The following PCDH15 variants were observed in gnomAD, a reference collection of about 807,000 sequenced individuals.
The protein encoded by PCDH15 is protocadherin-15.
A neutral mutation model predicts 178.5 loss-of-function variants in PCDH15; 129 were observed. The ratio of observed to expected loss-of-function variants is 0.72; its 90% CI spans 0.63 to 0.84. The LOEUF (loss-of-function observed/expected upper bound fraction) is 0.84, where lower values mean the gene tolerates loss of function less well. Among genes scored for constraint, PCDH15 ranks in the 40% least tolerant of loss-of-function variants. The pLI is 0.00. For missense variants in PCDH15, 2,230 were observed against 2,099.9 expected (o/e 1.06, Z -1.21); for synonymous variants, 800 against 732.0 (o/e 1.09, Z -1.50).
intron 5 of PCDH15, among the ~76,000 whole-genome samples, chr10:54,355,453 G>A (rs937868575): frequency 6.6e-6 from 1 of 151,810 alleles, no homozygotes; most frequent in African/African-American, 2.4e-5. Flanking sequence ...ATGGCACAGT[G>A]TCTTGTTTAA....
intron 1 of PCDH15, among the ~76,000 whole-genome samples, chr10:54,723,337 C>G (rs1941956812): frequency 6.6e-6 from 1 of 151,590 alleles, no homozygotes; most frequent in Non-Finnish European, 1.5e-5. Flanking sequence ...GGAAAATTGG[C>G]TAGCCACGTG....
At chr10:54,294,534 A>G (rs1457228017) in intron 8 of PCDH15, among the ~76,000 whole-genome samples, 1 of 152,236 alleles carries the variant, frequency 6.6e-6, no homozygotes, top group Non-Finnish European at 1.5e-5. Context: ...AGCAGAACTC[A>G]TCAAGATGCC....
At chr10:55,385,223 T>C (rs1837624283) in intron 2 of PCDH15, among the ~76,000 whole-genome samples, 1 of 152,106 alleles carries the variant, frequency 6.6e-6, no homozygotes, top group Non-Finnish European at 1.5e-5. Context: ...GATGCCAAAA[T>C]TGTCACTCTA....
At chr10:54,338,237 G>T (rs1157026456) in intron 6 of PCDH15, among the ~76,000 whole-genome samples, 1 of 152,104 alleles carries the variant, frequency 6.6e-6, no homozygotes, top group African/African-American at 2.4e-5. Flanking sequence ...TTATACATGA[G>T]TTTCCAGTAA....
intron 4 of PCDH15, among the ~76,000 whole-genome samples, chr10:54,372,414 G>T (rs1347262060): frequency 2.0e-5 from 3 of 151,862 alleles, no homozygotes; most frequent in Non-Finnish European, 2.9e-5. Context: ...ACTGTTAGTG[G>T]CATGGCTAGA....
At chr10:55,092,281 C>G (rs996883860) in intron 2 of PCDH15, among the ~76,000 whole-genome samples, 2 of 151,832 alleles carry the variant, frequency 1.3e-5, no homozygotes, top group African/African-American at 4.8e-5. Context: ...CCAAAAGCAA[C>G]ACAGCTTCCA....
At chr10:54,707,897 G>C (rs12413015) in intron 1 of PCDH15, among the ~76,000 whole-genome samples, 18,178 of 152,072 alleles carry the variant, frequency 0.12, 1,249 homozygotes, top group East Asian at 0.25. Context: ...TATAAACTCA[G>C]AGCAGGACTG....
Position 54,450,130 on chromosome 10 carries a change from A to AATATAT in PCDH15, c.158-71194_158-71189dup, listed in dbSNP as rs10526141. ...GGCAGATGACTATTCCTTTTTTATA[A>AATATAT]ATATATATATATATATATATATATA... On this transcript the variant is annotated intron_variant, in intron 3 of 37. Transcript: ENST00000644397. 9.4e-3 allele frequency among the ~76,000 whole-genome samples: 1,296 copies of AATATAT among 137,176 alleles called. 12 individuals carry two copies. Among genetic ancestry groups the AATATAT allele is most frequent in the African/African-American group, 0.021 (747 of 36,018 alleles). 90.0% of individuals were successfully genotyped at this position (137,176 alleles called of 152,430 possible). A position where few individuals can be genotyped will look rare whatever the true frequency, so the allele number is the denominator to read the frequency against.
At chr10:55,003,994 C>T (rs1445931100) in intron 2 of PCDH15, among the ~76,000 whole-genome samples, 1 of 152,244 alleles carries the variant, frequency 6.6e-6, no homozygotes, top group South Asian at 2.1e-4. Context: ...GTCTGAGATT[C>T]CCTGTGAGAG....
chr10:53,881,963 T>A (rs2133350933), intron 26 of PCDH15, among the ~76,000 whole-genome samples: 1 of 151,196 alleles, frequency 6.6e-6, no homozygotes, highest in South Asian at 2.1e-4. Context: ...TTTGGTAAAA[T>A]GTTAATATTA....
intron 1 of PCDH15, among the ~76,000 whole-genome samples, chr10:55,275,564 C>T (rs1319063513): frequency 2.6e-5 from 4 of 151,886 alleles, no homozygotes; most frequent in African/African-American, 7.3e-5. Context: ...ATCATTTATC[C>T]GTACTTATAA....
chr10:54,383,614 CGTGTATGTGTGTTTTTGTGT>C (rs1380936780), intron 3 of PCDH15, among the ~76,000 whole-genome samples: 6 of 73,020 alleles, frequency 8.2e-5, no homozygotes, highest in African/African-American at 1.8e-4. Flanking sequence ...CATACCATGC[CGTGTATGTGTGTTTTTGTGT>C]GTGTGTGTGT....
chr10:55,608,578 A>G (rs1416772838), intron 2 of PCDH15, among the ~76,000 whole-genome samples: 3 of 151,890 alleles, frequency 2.0e-5, no homozygotes, highest in African/African-American at 2.4e-5. Context: ...CCAAAACACC[A>G]TGGGTTCTGT....
At chr10:54,091,712 G>A (rs962732997) in intron 15 of PCDH15, among the ~76,000 whole-genome samples, 6 of 152,074 alleles carry the variant, frequency 3.9e-5, no homozygotes, top group African/African-American at 1.2e-4. Context: ...TACTTCCTTC[G>A]CATGGCTCCT....
intron 2 of PCDH15, among the ~76,000 whole-genome samples, chr10:55,413,023 C>T (rs968324619): frequency 1.3e-5 from 2 of 151,376 alleles, no homozygotes; most frequent in South Asian, 2.1e-4. Context: ...AAATGATGAC[C>T]GTCATCTAAC....
At chr10:55,322,630 C>T (rs1205524117), upstream of PCDH15, among the ~76,000 whole-genome samples, 1 of 152,106 alleles carries the variant, frequency 6.6e-6, no homozygotes, top group East Asian at 1.9e-4. Flanking sequence ...GTAAAGAACA[C>T]TATTGCCATG....
At chr10:54,123,692 A>G (rs1484912427) in intron 15 of PCDH15, among the ~76,000 whole-genome samples, 1 of 152,180 alleles carries the variant, frequency 6.6e-6, no homozygotes, top group Non-Finnish European at 1.5e-5. Context: ...GACTGAAAAG[A>G]CACAGGCACT....
At chr10:54,786,408 TA>T (rs1950882024) in intron 1 of PCDH15, among the ~76,000 whole-genome samples, 1 of 152,006 alleles carries the variant, frequency 6.6e-6, no homozygotes, top group Non-Finnish European at 1.5e-5. Flanking sequence ...AAATAACAGA[TA>T]AAAACATAGA....
intron 2 of PCDH15, among the ~76,000 whole-genome samples, chr10:54,621,715 C>T (rs1185403538): frequency 2.0e-5 from 3 of 151,840 alleles, no homozygotes; most frequent in African/African-American, 7.3e-5. Context: ...CATTTTTCTC[C>T]GCACAATCTC....
Sources: gnomAD v4.1 joint callset for allele counts (sites outside exome capture counted in the v4.1 genomes callset) on GRCh38, gnomAD v4.1.1 for gene constraint, MANE v1.5 for transcripts, NCBI Gene and HGNC (gene_info 2026-07-23, HGNC 2026-07-21) for gene names.